The following FAXC variants were observed in gnomAD, a reference collection of about 807,000 sequenced individuals.
FAXC encodes the protein failed axon connections homolog, metaxin like GST domain containing.
A neutral mutation model predicts 41.9 loss-of-function variants in FAXC; 10 were observed. The observed-to-expected ratio is 0.24, with a 90% CI of 0.15 to 0.41. The LOEUF (loss-of-function observed/expected upper bound fraction) is 0.41, where lower values mean the gene tolerates loss of function less well. Among genes scored for constraint, FAXC ranks in the 10% least tolerant of loss-of-function variants. The pLI is 1.00. For synonymous variants in FAXC, 183 were observed against 183.8 expected (o/e 1.00, Z 0.03); for missense variants, 399 against 510.9 (o/e 0.78, Z 2.11).
intron 4 of FAXC, among the ~76,000 whole-genome samples, chr6:99,298,268 G>A (rs1403289568): frequency 1.3e-5 from 2 of 149,532 alleles, no homozygotes; most frequent in South Asian, 2.1e-4. Flanking sequence ...ATGAGACCTC[G>A]TTATGTTCCC....
chr6:99,317,381 T>G (rs1772398144), intron 4 of FAXC, among the ~76,000 whole-genome samples: 3 of 150,000 alleles, frequency 2.0e-5, no homozygotes, highest in Non-Finnish European at 4.4e-5. Context: ...GTACTCTGCT[T>G]CCAGGGGCAA....
intron 4 of FAXC, among the ~76,000 whole-genome samples, chr6:99,319,874 A>C (rs1242781069): frequency 1.3e-5 from 2 of 152,208 alleles, no homozygotes; most frequent in African/African-American, 4.8e-5. Flanking sequence ...TATCCTTCGT[A>C]AACTTACTGA....
chr6:99,291,996 T>G (rs538707234), intron 4 of FAXC, among the ~76,000 whole-genome samples, 176 bp from the exon 5 acceptor site: 2 of 152,048 alleles, frequency 1.3e-5, no homozygotes, highest in African/African-American at 4.8e-5. Context: ...TAAAATGAAT[T>G]AAGCAATCAT....
At chr6:99,334,650 T>A (rs1029069323) in intron 2 of FAXC, 1 of 951,950 alleles carries the variant, frequency 1.1e-6, no homozygotes, top group Non-Finnish European at 1.3e-6. Flanking sequence ...GCCATCCATA[T>A]CCTCTTAATA....
chr6:99,347,226 A>C (rs906737482), intron 1 of FAXC, among the ~76,000 whole-genome samples: 11 of 152,074 alleles, frequency 7.2e-5, no homozygotes, highest in Admixed American at 3.9e-4. Context: ...ACACGGTGAA[A>C]CCCTATCTCT....
At chr6:99,301,298 T>G (rs1771696758) in intron 4 of FAXC, among the ~76,000 whole-genome samples, 1 of 152,230 alleles carries the variant, frequency 6.6e-6, no homozygotes, top group Non-Finnish European at 1.5e-5. Flanking sequence ...TCTCTTCAAG[T>G]GCAGGAGTGA....
intron 2 of FAXC, among the ~76,000 whole-genome samples, chr6:99,341,324 G>C (rs1773419880): frequency 6.6e-6 from 1 of 152,026 alleles, no homozygotes; most frequent in Non-Finnish European, 1.5e-5. Flanking sequence ...ATGGATTAAA[G>C]TTGCCAATTA....
At chr6:99,316,502 GC>G (rs1192939301) in intron 4 of FAXC, among the ~76,000 whole-genome samples, 1 of 152,176 alleles carries the variant, frequency 6.6e-6, no homozygotes, top group Non-Finnish European at 1.5e-5. Flanking sequence ...TGTGGCACCT[GC>G]CTTTCCAAGG....
chr6:99,318,304 C>CAAAAAA (rs748610778), intron 4 of FAXC, among the ~76,000 whole-genome samples: 1,849 of 104,116 alleles, frequency 0.018, 53 homozygotes, highest in South Asian at 0.028. Context: ...CACACACACA[C>CAAAAAA]ACAAAATAGA....
chr6:99,321,944 G>A (rs114482903), intron 4 of FAXC, among the ~76,000 whole-genome samples: 245 of 152,334 alleles, frequency 1.6e-3, no homozygotes, highest in African/African-American at 5.6e-3. Flanking sequence ...AACAGCATGA[G>A]CCGGTGAGGA....
intron 4 of FAXC, among the ~76,000 whole-genome samples, chr6:99,296,889 A>T (rs1771519424): frequency 6.6e-6 from 1 of 152,158 alleles, no homozygotes; most frequent in African/African-American, 2.4e-5. Context: ...GTAAAATTTC[A>T]TATGACCTCT....
intron 4 of FAXC, among the ~76,000 whole-genome samples, chr6:99,311,252 A>G (rs951904623): frequency 3.9e-5 from 6 of 152,204 alleles, no homozygotes; most frequent in African/African-American, 1.4e-4. Flanking sequence ...GACTTATAAA[A>G]TGACTCTACT....
rs1771190903 is a variant in FAXC at position 99,290,300 on chromosome 6, G to A, written c.940+1404C>T. 1.3e-5 allele frequency among the ~76,000 whole-genome samples: 2 copies of A among 151,990 alleles called. 1 individual carries two copies. The highest frequency in any genetic ancestry group is 4.1e-4 in the South Asian group (2 of 4,826). ...TGGTTCTACGTATCCTTGCTCCTTA[G>A]CTTCCCCTCTCATATCTCTTGTAAT... On this transcript the variant is annotated intron_variant, in intron 5 of 5. Coordinates refer to ENST00000389677, the MANE Select transcript of FAXC (RefSeq NM_032511.4).
intron 1 of FAXC, 24 bp downstream of exon 1, chr6:99,349,083 T>A (rs749201397): frequency 1.2e-6 from 2 of 1,610,398 alleles, no homozygotes; most frequent in Non-Finnish European, 1.7e-6. Flanking sequence ...TGCGCCCCTG[T>A]GCGGGGCCCT....
intron 2 of FAXC, among the ~76,000 whole-genome samples, chr6:99,338,087 C>A (rs1163792666): frequency 1.3e-5 from 2 of 152,158 alleles, no homozygotes; most frequent in African/African-American, 4.8e-5. Context: ...ATCAAGGTAC[C>A]CCTAACCGTT....
chr6:99,331,246 G>T (rs1353904725), intron 3 of FAXC, among the ~76,000 whole-genome samples: 1 of 152,150 alleles, frequency 6.6e-6, no homozygotes, highest in Non-Finnish European at 1.5e-5. Flanking sequence ...ATTAAAAAGT[G>T]AATTAGAGAA....
Position 99,312,731 on chromosome 6 carries a change from C to G in FAXC, c.823+10713G>C, listed in dbSNP as rs540920086. Among the ~76,000 whole-genome samples, 6 of 152,222 alleles carry G rather than the reference C, an allele frequency of 3.9e-5. No homozygotes were observed. In the East Asian group the frequency reaches 1.2e-3, roughly 29 times the overall value. On this transcript the variant is annotated intron_variant, in intron 4 of 5. Transcript: ENST00000389677. Reference sequence around the variant, plus strand: ...AATATTTTAGTATTGAATTCTCCTTCTAGTTAAATCTTTCTAATATTTTCC... The same window carrying G: ...AATATTTTAGTATTGAATTCTCCTTGTAGTTAAATCTTTCTAATATTTTCC...
chr6:99,342,830 C>T (rs1451201178), intron 2 of FAXC, 68 bp downstream of exon 2: 13 of 1,457,656 alleles, frequency 8.9e-6, no homozygotes, highest in Non-Finnish European at 1.2e-5. Context: ...AAATATTCCC[C>T]CCTTTAGTTA....
In FAXC at chr6:99,277,009, G is replaced by A. The variant is rs6569952; in HGVS notation, c.*4155C>T. The A allele has an allele frequency of 0.35, 53,784 of 152,098 alleles. 10,070 individuals carry two copies. The highest frequency in any genetic ancestry group is 0.42 in the Middle Eastern group (123 of 290). The allele number at this position is 152,098 out of a possible 1,614,324, so 9.4% of individuals were successfully genotyped here. ...TGGGAAGCCTTCATGTGAAGCTGACGAAGTCAGACCTTGAGAGATGGGCAT... is the reference window on the plus strand; with the variant it reads ...TGGGAAGCCTTCATGTGAAGCTGACAAAGTCAGACCTTGAGAGATGGGCAT... On this transcript the variant is annotated 3_prime_UTR_variant, in exon 6 of 6. Coordinates refer to ENST00000389677, the MANE Select transcript of FAXC (RefSeq NM_032511.4).
Sources: gnomAD v4.1 joint callset for allele counts (sites outside exome capture counted in the v4.1 genomes callset) on GRCh38, gnomAD v4.1.1 for gene constraint, MANE v1.5 for transcripts, NCBI Gene and HGNC (gene_info 2026-07-23, HGNC 2026-07-21) for gene names.